The following NTRK3 variants were observed in gnomAD, a reference collection of about 807,000 sequenced individuals.
NTRK3 encodes the protein NT-3 growth factor receptor.
A neutral mutation model predicts 91.7 loss-of-function variants in NTRK3; 24 were observed. The observed-to-expected ratio is 0.26, with a 90% CI of 0.19 to 0.37. NTRK3 has a LOEUF of 0.37. NTRK3 is among the 10% of genes least tolerant of loss of function. The pLI, the probability that NTRK3 is intolerant of heterozygous loss-of-function variation, is 1.00. For synonymous variants in NTRK3, 483 were observed against 404.0 expected, an observed-to-expected ratio of 1.20 and a Z score of -2.34; for missense variants, 880 against 1,068.9, an observed-to-expected ratio of 0.82 and a Z score of 2.46.
intron 6 of NTRK3, among the ~76,000 whole-genome samples, chr15:88,139,629 T>C (rs950775816): frequency 2.0e-5 from 3 of 151,878 alleles, no homozygotes; most frequent in Admixed American, 1.3e-4. Flanking sequence ...GGGAAAGAAC[T>C]AACCCTTACT....
At chr15:87,877,864 T>A (rs1405586648) in intron 18 of NTRK3, among the ~76,000 whole-genome samples, 1 of 151,174 alleles carries the variant, frequency 6.6e-6, no homozygotes, top group African/African-American at 2.4e-5. Context: ...CCCCCAGGAG[T>A]GTTGTAAGGA....
At chr15:88,169,496 G>T (rs2045311863) in intron 5 of NTRK3, among the ~76,000 whole-genome samples, 1 of 152,158 alleles carries the variant, frequency 6.6e-6, no homozygotes, top group Non-Finnish European at 1.5e-5. Flanking sequence ...CACACAGGGA[G>T]GGGATCTTGT....
intron 13 of NTRK3, among the ~76,000 whole-genome samples, chr15:88,056,960 G>A (rs952802987): frequency 6.6e-6 from 1 of 151,736 alleles, no homozygotes; most frequent in Non-Finnish European, 1.5e-5. Context: ...CACGAGGTCA[G>A]GAGATCGAGA....
At chr15:88,173,713 A>T (rs954634277) in intron 5 of NTRK3, among the ~76,000 whole-genome samples, 1 of 152,176 alleles carries the variant, frequency 6.6e-6, no homozygotes, top group Non-Finnish European at 1.5e-5. Context: ...GCTGCTCTGA[A>T]GCCTACTGCC....
chr15:87,910,525 C>T (rs755311218), intron 17 of NTRK3, among the ~76,000 whole-genome samples: 3 of 152,182 alleles, frequency 2.0e-5, no homozygotes, highest in Non-Finnish European at 4.4e-5. Flanking sequence ...CCAGTGAACT[C>T]TCCAGGGGAG....
At chr15:88,045,706 C>CT (rs1390434851) in intron 13 of NTRK3, among the ~76,000 whole-genome samples, 1 of 152,188 alleles carries the variant, frequency 6.6e-6, no homozygotes, top group Non-Finnish European at 1.5e-5. Context: ...AGAATCCCTC[C>CT]TTGCCTCCAC....
At position 88,243,330 on chromosome 15, in the gene NTRK3, T is replaced by C. The variant is rs927211143; in HGVS notation, c.248+12576A>G. 6.6e-6 allele frequency among the ~76,000 whole-genome samples: 1 copy of C among 152,176 alleles called. No individual in the cohort carries two copies. Among genetic ancestry groups the C allele is most frequent in the African/African-American group, 2.4e-5 (1 of 41,444 alleles). ...GCAAAGCTGATATTAAATAACTTCC[T>C]GAGCCTGGCCCGTCTGCCAACGCTC... On this transcript the variant is annotated intron_variant, in intron 3 of 18. Coordinates refer to ENST00000394480, the Ensembl canonical transcript of NTRK3. The surrounding 1 kb of genome is among the most constrained non-coding windows in gnomAD (Gnocchi z 4.8).
At chr15:87,866,473 T>A (rs1450692728) in exon 19 of NTRK3, 1 of 167,842 alleles carries the variant, frequency 6.0e-6, no homozygotes, top group Non-Finnish European at 1.3e-5. Context: ...ATATGTAAAC[T>A]ATATATATCC....
At position 87,868,827 on chromosome 15, in the gene NTRK3, G is replaced by T. The variant is rs1596034919; in HGVS notation, c.*8108C>A. 1.8e-5 allele frequency: 4 copies of T among 222,812 alleles called. No homozygotes were observed. The East Asian group carries it at 2.6e-4, about 14-fold the overall frequency. The allele number at this position is 222,812 out of a possible 1,614,324, so 13.8% of individuals were successfully genotyped here. A position where few individuals can be genotyped will look rare whatever the true frequency, so the allele number is the denominator to read the frequency against. ...CAGCTACATCTTTTGTCCCAGTTGG[G>T]AGAAACAGGAGCTGTGGCTGCCTCT... On this transcript the variant is annotated 3_prime_UTR_variant, in exon 19 of 19. Transcript: ENST00000394480.
intron 15 of NTRK3, among the ~76,000 whole-genome samples, chr15:87,937,420 A>T (rs2069401699): frequency 6.6e-6 from 1 of 152,222 alleles, no homozygotes; most frequent in South Asian, 2.1e-4. Context: ...AAAAAGCATA[A>T]AAACATTGGG....
chr15:87,957,709 TAA>T (rs2071818068), intron 14 of NTRK3, among the ~76,000 whole-genome samples: 1 of 152,162 alleles, frequency 6.6e-6, no homozygotes, highest in Admixed American at 6.5e-5. Flanking sequence ...AAGTGAGAAA[TAA>T]GTCTTTTTAC....
chr15:88,130,588 T>C (rs2041236239), intron 10 of NTRK3, among the ~76,000 whole-genome samples: 1 of 151,450 alleles, frequency 6.6e-6, no homozygotes, highest in Admixed American at 6.6e-5. Flanking sequence ...AACGATGCAC[T>C]GAGAGGGCAG....
chr15:87,978,125 A>T (rs532026880), intron 14 of NTRK3: 1 of 230,756 alleles, frequency 4.3e-6, no homozygotes, highest in Non-Finnish European at 8.6e-6. Flanking sequence ...CAAATACGGG[A>T]GAGTTTCAGG....
chr15:87,886,730 A>T lies in NTRK3; in HGVS notation c.2134-6302T>A, dbSNP rs1186684557. 1.4e-5 allele frequency among the ~76,000 whole-genome samples: 2 copies of T among 143,550 alleles called. 1 individual carries two copies. The highest frequency in any genetic ancestry group is 5.3e-5 in the African/African-American group (2 of 37,872). 94.2% of individuals were successfully genotyped at this position (143,550 alleles called of 152,430 possible). A position where few individuals can be genotyped will look rare whatever the true frequency, so the allele number is the denominator to read the frequency against. On this transcript the variant is annotated intron_variant, in intron 17 of 18. Transcript: ENST00000394480. ...TATACACACACACACATACACACAC[A>T]CACATAAACACACACACACACATAT...
exon 1 of NTRK3, chr15:88,256,705 T>C (rs1040867878): frequency 8.3e-5 from 31 of 373,262 alleles, no homozygotes; most frequent in African/African-American, 1.2e-4. Context: ...CCGCCGCGAA[T>C]GGCTCGCCGC....
intron 3 of NTRK3, among the ~76,000 whole-genome samples, chr15:88,186,101 C>A (rs2046921653): frequency 6.6e-6 from 1 of 152,160 alleles, no homozygotes; most frequent in South Asian, 2.1e-4. Context: ...ACTATCTGTG[C>A]CACCAGGTCC....
chr15:88,095,758 C>T (rs1041981395), intron 13 of NTRK3, among the ~76,000 whole-genome samples: 1 of 152,160 alleles, frequency 6.6e-6, no homozygotes, highest in Non-Finnish European at 1.5e-5. Flanking sequence ...AAAGGTGAAG[C>T]TTGGATACTC....
intron 14 of NTRK3, among the ~76,000 whole-genome samples, chr15:87,966,378 G>A (rs990339546): frequency 5.3e-5 from 8 of 152,146 alleles, no homozygotes; most frequent in Admixed American, 5.2e-4. Context: ...GGTGACTTCC[G>A]GTGTCTCTGG....
chr15:87,960,245 T>C (rs932576194), intron 14 of NTRK3, among the ~76,000 whole-genome samples: 6 of 152,308 alleles, frequency 3.9e-5, no homozygotes, highest in East Asian at 3.9e-4. Flanking sequence ...GCTAGGGAAA[T>C]AGGAAGAAAT....
Sources: gnomAD v4.1 joint callset for allele counts (sites outside exome capture counted in the v4.1 genomes callset) on GRCh38, gnomAD v4.1.1 for gene constraint, Gnocchi (gnomAD v3.1) non-coding constraint, MANE v1.5 for transcripts, NCBI Gene and HGNC (gene_info 2026-07-23, HGNC 2026-07-21) for gene names.